The following PCDHGA6 variants were observed in gnomAD, a reference collection of about 807,000 sequenced individuals.
PCDHGA6 encodes the protein protocadherin gamma subfamily A, 6.
A neutral mutation model predicts 60.6 loss-of-function variants in PCDHGA6; 41 were observed. That is an observed-to-expected ratio of 0.68 (90% confidence interval 0.53 to 0.88). PCDHGA6 has a LOEUF of 0.88. PCDHGA6 is among the 40% of genes least tolerant of loss of function. The pLI, the probability that PCDHGA6 is intolerant of heterozygous loss-of-function variation, is 0.00. For synonymous variants in PCDHGA6, 594 were observed against 524.4 expected, an observed-to-expected ratio of 1.13 and a Z score of -1.81; for missense variants, 1,312 against 1,203.0, an observed-to-expected ratio of 1.09 and a Z score of -1.34.
At chr5:141,456,336 G>A (rs2098850873) in intron 1 of PCDHGA6, among the ~76,000 whole-genome samples, 1 of 152,242 alleles carries the variant, frequency 6.6e-6, no homozygotes, top group Non-Finnish European at 1.5e-5. Context: ...TGATCTAAGG[G>A]TCCTCGGAAG....
At position 141,384,374 on chromosome 5, in the gene PCDHGA6, C is replaced by T; in HGVS notation, c.2424+7867C>T. 3.1e-6 allele frequency: 5 copies of T among 1,613,920 alleles called. No individual in the cohort carries two copies. In the South Asian group the frequency reaches 5.5e-5, roughly 18 times the overall value. ...AATGCCCAGATCACTTATTCCTTGG[C>T]CGAAGACACCATCCAGGGGGCTCCA... is the stretch of plus-strand genomic sequence containing the variant. On this transcript the variant is annotated intron_variant, in intron 1 of 3. Transcript: ENST00000517434.
rs745835885 is a variant in PCDHGA6 at position 141,376,254 on chromosome 5, T to G, written c.2171T>G (p.Leu724Arg). The G allele has an allele frequency of 2.5e-6, 4 of 1,614,098 alleles. No homozygotes were observed. In the African/African-American group the frequency reaches 5.3e-5, roughly 22 times the overall value. Residue 724 changes from leucine (L) to arginine (R), a missense_variant, in exon 1 of 4, where the codon CTG becomes CGG. Transcript: ENST00000517434. ...LRLQRWHKSR[L>R]LQASGGGLAS... ...CTGCAGCGCTGGCACAAGTCACGCC[T>G]GCTGCAGGCTTCGGGAGGTGGCTTA...
chr5:141,455,876 TTTA>T (rs1271603055), intron 1 of PCDHGA6, among the ~76,000 whole-genome samples: 2 of 146,624 alleles, frequency 1.4e-5, no homozygotes, highest in Non-Finnish European at 1.5e-5. Context: ...TATTTATTTA[TTTA>T]TTTATTTATT....
chr5:141,445,623 A>G (rs2098472971), intron 1 of PCDHGA6, among the ~76,000 whole-genome samples: 1 of 152,172 alleles, frequency 6.6e-6, no homozygotes, highest in South Asian at 2.1e-4. Flanking sequence ...TTTTTTTCGG[A>G]AAGTGATATT....
chr5:141,490,775 A>G lies in PCDHGA6; in HGVS notation c.2425-4032A>G. 6 of 1,614,110 alleles carry G rather than the reference A, an allele frequency of 3.7e-6. No homozygotes were observed. Among genetic ancestry groups the G allele is most frequent in the Non-Finnish European group, 5.1e-6 (6 of 1,179,964 alleles). On this transcript the variant is annotated intron_variant, in intron 1 of 3. Transcript: ENST00000517434. The surrounding 1 kb of genome is among the most constrained non-coding windows in gnomAD (Gnocchi z 5.4). ...TCCTCCTTTGTGTATGTCAACCCAG[A>G]GGATGGACGGATCTTTGCCCAGCGT...
chr5:141,383,351 G>C, intron 1 of PCDHGA6: 1 of 1,613,992 alleles, frequency 6.2e-7, no homozygotes, highest in Non-Finnish European at 8.5e-7. Flanking sequence ...CCTGGGGTTC[G>C]GTTTCCGTTA....
At chr5:141,507,239 G>C (rs2099859378) in intron 3 of PCDHGA6, 1 of 152,310 alleles carries the variant, frequency 6.6e-6, no homozygotes, top group Non-Finnish European at 1.5e-5. Context: ...CCCAGTTACA[G>C]TTGAATGTCA....
At chr5:141,408,780 A>G (rs1304526612) in intron 1 of PCDHGA6, 1 of 1,612,372 alleles carries the variant, frequency 6.2e-7, no homozygotes, top group Non-Finnish European at 8.5e-7. Flanking sequence ...AAATACCCAG[A>G]GTTATCTCTG....
chr5:141,408,655 A>G (rs778418746), intron 1 of PCDHGA6: 1 of 1,613,928 alleles, frequency 6.2e-7, no homozygotes, highest in African/African-American at 1.3e-5. Flanking sequence ...CTGGTACACG[A>G]CTATCGCTTG....
rs539878473 is a variant in PCDHGA6 at position 141,501,595 on chromosome 5, C to T, written c.2484-3798C>T. Reference sequence around the variant, plus strand: ...GCTGGCTTTCAGGTTGCAACTCTACCAGTTCCAGCTGTGTGACTCTGGTAT... The same window carrying T: ...GCTGGCTTTCAGGTTGCAACTCTACTAGTTCCAGCTGTGTGACTCTGGTAT... On this transcript the variant is annotated intron_variant, in intron 2 of 3. Coordinates refer to ENST00000517434, the MANE Select transcript of PCDHGA6 (RefSeq NM_018919.3). Among the ~76,000 whole-genome samples the T allele has an allele frequency of 9.9e-5, 15 of 152,164 alleles. No homozygotes were observed. In the East Asian group the frequency reaches 2.9e-3, roughly 30 times the overall value.
intron 1 of PCDHGA6, among the ~76,000 whole-genome samples, chr5:141,405,902 G>A (rs777584362): frequency 2.6e-5 from 4 of 152,084 alleles, no homozygotes; most frequent in Non-Finnish European, 4.4e-5. Flanking sequence ...CTGAAAGGAG[G>A]CATTTATTAG....
chr5:141,399,812 C>T (rs1561672586), intron 1 of PCDHGA6: 1 of 1,613,222 alleles, frequency 6.2e-7, no homozygotes, highest in South Asian at 1.1e-5. Context: ...CTGTACCCCG[C>T]GCTGGGTCCC....
intron 1 of PCDHGA6, chr5:141,426,510 T>C: frequency 2.9e-6 from 1 of 342,914 alleles, no homozygotes; most frequent in Non-Finnish European, 5.8e-6. Context: ...AACAATACTT[T>C]ACCGTGAACA....
At chr5:141,458,386 G>A (rs1037969327) in intron 1 of PCDHGA6, among the ~76,000 whole-genome samples, 3 of 152,188 alleles carry the variant, frequency 2.0e-5, no homozygotes, top group African/African-American at 4.8e-5. Context: ...GAAGGAAGAC[G>A]CTCCCCCTTG....
intron 1 of PCDHGA6, chr5:141,478,111 A>G (rs2099430294): frequency 1.2e-6 from 2 of 1,613,982 alleles, no homozygotes; most frequent in Admixed American, 1.7e-5. Context: ...TCACTGTGTC[A>G]GTAACCGAGG....
rs13436436 is a variant in PCDHGA6 at position 141,494,301 on chromosome 5, G to C, written c.2425-506G>C. Among the ~76,000 whole-genome samples, 1,119 of 152,302 alleles carry C rather than the reference G, an allele frequency of 7.3e-3. 11 individuals carry two copies. The highest frequency in any genetic ancestry group is 0.026 in the African/African-American group (1,077 of 41,560). Reference sequence around the variant, plus strand: ...CCAGAGAAGATGTCCCTGTGAATGTGTCACTGCACAACCTGGCACCAAAAG... The same window carrying C: ...CCAGAGAAGATGTCCCTGTGAATGTCTCACTGCACAACCTGGCACCAAAAG... On this transcript the variant is annotated intron_variant, in intron 1 of 3. Coordinates refer to ENST00000517434, the MANE Select transcript of PCDHGA6 (RefSeq NM_018919.3).
At chr5:141,394,982 C>CCTGCTCCA (rs2093142772) in intron 1 of PCDHGA6, 2 of 1,613,866 alleles carry the variant, frequency 1.2e-6, no homozygotes, top group South Asian at 2.2e-5. Flanking sequence ...ACAAGTCACG[C>CCTGCTCCA]CTGCTCCAGG....
In PCDHGA6 at chr5:141,486,184, A is replaced by G. The variant is rs2099625756; in HGVS notation, c.2425-8623A>G. 8 of 1,614,014 alleles carry G rather than the reference A, an allele frequency of 5.0e-6. No homozygotes were observed. Among genetic ancestry groups the G allele is most frequent in the Non-Finnish European group, 6.8e-6 (8 of 1,180,026 alleles). On this transcript the variant is annotated intron_variant, in intron 1 of 3. Transcript: ENST00000517434. This position sits in a 1 kb window ranked among gnomAD's most constrained non-coding sequence, Gnocchi z 5.0. ...CCATGGAGCAACATTGCAGCCTTCG[A>G]GTGGATCTGCTGGACGTAAATGACA...
At position 141,489,157 on chromosome 5, in the gene PCDHGA6, C is replaced by A. The variant is rs1222682069; in HGVS notation, c.2425-5650C>A. 1.0e-6 allele frequency: 1 copy of A among 984,444 alleles called. No homozygotes were observed. The highest frequency in any genetic ancestry group is 1.6e-5 in the African/African-American group (1 of 61,296). The allele number at this position is 984,444 out of a possible 1,614,324, so 61.0% of individuals were successfully genotyped here. On this transcript the variant is annotated intron_variant, in intron 1 of 3. Coordinates refer to ENST00000517434, the MANE Select transcript of PCDHGA6 (RefSeq NM_018919.3). This position sits in a 1 kb window ranked among gnomAD's most constrained non-coding sequence, Gnocchi z 4.5. ...AGAGGCTGGAAGGAGACATAAGAGA[C>A]TTCAGCTGCTGCATTCCAAGCCCTG...
Sources: allele counts gnomAD v4.1 joint callset (sites outside exome capture counted in the v4.1 genomes callset), GRCh38; gene constraint gnomAD v4.1.1; non-coding constraint Gnocchi (gnomAD v3.1); transcripts MANE v1.5; gene names NCBI Gene and HGNC (gene_info 2026-07-23, HGNC 2026-07-21).